The following GALNTL6 variants were observed in gnomAD, a reference collection of about 807,000 sequenced individuals.
GALNTL6 encodes the protein polypeptide N-acetylgalactosaminyltransferase like 6.
Under a neutral mutation model 73.7 loss-of-function variants are expected in GALNTL6, and 46 were observed. The ratio of observed to expected loss-of-function variants is 0.62; its 90% CI spans 0.49 to 0.80. GALNTL6 has a LOEUF of 0.80. GALNTL6 is among the 30% of genes least tolerant of loss of function. The pLI, the probability that GALNTL6 is intolerant of heterozygous loss-of-function variation, is 0.00. For missense variants in GALNTL6, 604 were observed against 755.0 expected (o/e 0.80, Z 2.34); for synonymous variants, 259 against 263.7 (o/e 0.98, Z 0.17).
At chr4:172,428,722 G>A (rs1731316832) in intron 5 of GALNTL6, among the ~76,000 whole-genome samples, 1 of 152,058 alleles carries the variant, frequency 6.6e-6, no homozygotes, top group East Asian at 1.9e-4. Context: ...AAACTGAAAC[G>A]GAGATATAGA....
chr4:172,575,303 T>C (rs1560816369), intron 5 of GALNTL6, among the ~76,000 whole-genome samples: 3 of 152,222 alleles, frequency 2.0e-5, no homozygotes, highest in Non-Finnish European at 4.4e-5. Flanking sequence ...TAATACCTAG[T>C]TTTTATTGTT....
intron 10 of GALNTL6, among the ~76,000 whole-genome samples, chr4:172,971,772 T>A (rs534009230): frequency 6.6e-6 from 1 of 152,186 alleles, no homozygotes; most frequent in East Asian, 1.9e-4. Flanking sequence ...CCATATTAAA[T>A]ACTAAAGATT....
chr4:171,886,293 A>G (rs915963494), intron 2 of GALNTL6, among the ~76,000 whole-genome samples: 10 of 152,208 alleles, frequency 6.6e-5, no homozygotes, highest in African/African-American at 2.2e-4. Flanking sequence ...CTGCCATTAT[A>G]TCAAAGTAAC....
intron 8 of GALNTL6, among the ~76,000 whole-genome samples, chr4:172,909,358 A>AT (rs1747079158): frequency 2.4e-3 from 1 of 420 alleles, no homozygotes; most frequent in Non-Finnish European, 0.028. Flanking sequence ...ATTCATTTAC[A>AT]TAAAATATTA....
At chr4:172,254,676 T>G (rs1329052111) in intron 3 of GALNTL6, among the ~76,000 whole-genome samples, 1 of 151,808 alleles carries the variant, frequency 6.6e-6, no homozygotes, top group Non-Finnish European at 1.5e-5. Context: ...ACAGCCAATT[T>G]GTTCTACAAG....
chr4:172,961,356 G>A (rs532054465), intron 10 of GALNTL6, among the ~76,000 whole-genome samples: 6 of 151,942 alleles, frequency 3.9e-5, no homozygotes, highest in African/African-American at 1.4e-4. Flanking sequence ...GGGGTCGGGG[G>A]GTTCTTGCCT....
chr4:172,311,545 TC>T, intron 3 of GALNTL6, 68 bp from the exon 4 acceptor site: 2 of 1,330,760 alleles, frequency 1.5e-6, no homozygotes, highest in Non-Finnish European at 2.0e-6. Flanking sequence ...ATTCCAGTCT[TC>T]CTATCTGTTC....
chr4:172,792,897 G>T (rs1740076197), intron 5 of GALNTL6, among the ~76,000 whole-genome samples: 1 of 151,730 alleles, frequency 6.6e-6, no homozygotes, highest in Non-Finnish European at 1.5e-5. Context: ...CAGGTTCCAG[G>T]ATCTTCCCTT....
At chr4:171,975,220 G>C (rs1440257298) in intron 2 of GALNTL6, among the ~76,000 whole-genome samples, 1 of 152,108 alleles carries the variant, frequency 6.6e-6, no homozygotes, top group Non-Finnish European at 1.5e-5. Flanking sequence ...AGAGTAATAA[G>C]TAATTTTCTA....
intron 7 of GALNTL6, among the ~76,000 whole-genome samples, chr4:172,830,311 G>T (rs2111051140): frequency 6.6e-6 from 1 of 151,958 alleles, no homozygotes; most frequent in African/African-American, 2.4e-5. Context: ...TCTTTAGAAA[G>T]ATTCTATTTT....
chr4:172,176,413 G>A (rs1290255081), intron 2 of GALNTL6, among the ~76,000 whole-genome samples: 2 of 150,944 alleles, frequency 1.3e-5, no homozygotes, highest in African/African-American at 4.9e-5. Flanking sequence ...TTTATAGCCA[G>A]TGTACTTAGT....
intron 5 of GALNTL6, among the ~76,000 whole-genome samples, chr4:172,432,785 A>T (rs902006647): frequency 2.0e-5 from 3 of 152,154 alleles, no homozygotes; most frequent in Non-Finnish European, 4.4e-5. Context: ...TTAAAAAAAA[A>T]TCTGAACATT....
intron 2 of GALNTL6, among the ~76,000 whole-genome samples, chr4:172,206,211 T>C (rs1419164615): frequency 1.3e-5 from 2 of 152,146 alleles, no homozygotes; most frequent in Admixed American, 6.5e-5. Flanking sequence ...GACAAATCCT[T>C]CTAAATACTC....
intron 5 of GALNTL6, among the ~76,000 whole-genome samples, chr4:172,617,537 C>T (rs539822054): frequency 7.0e-4 from 106 of 151,962 alleles, no homozygotes; most frequent in African/African-American, 2.1e-3. Context: ...AGAGTAGTGG[C>T]ACGATCTCAG....
intron 2 of GALNTL6, among the ~76,000 whole-genome samples, chr4:171,925,785 G>T (rs940302900): frequency 1.3e-5 from 2 of 152,122 alleles, no homozygotes; most frequent in African/African-American, 4.8e-5. Flanking sequence ...ATGATAATAA[G>T]TAACTAGGGG....
At chr4:172,392,825 G>A (rs1743712827) in intron 5 of GALNTL6, among the ~76,000 whole-genome samples, 1 of 152,100 alleles carries the variant, frequency 6.6e-6, no homozygotes, top group Admixed American at 6.6e-5. Flanking sequence ...TCCCATACAT[G>A]AAATGAGGAT....
rs540307270 is a variant in GALNTL6 at position 172,844,308 on chromosome 4, A to G, written c.923+30585A>G. Among the ~76,000 whole-genome samples the G allele has an allele frequency of 7.9e-5, 12 of 152,286 alleles. No homozygotes were observed. In the South Asian group the frequency reaches 1.5e-3, roughly 18 times the overall value. ...GAAATCTCAAAATCTCTTCACCTCT[A>G]CTATCTTTCTCGATTCTCACAACAA... On this transcript the variant is annotated intron_variant, in intron 7 of 12. Transcript: ENST00000506823.
At chr4:172,575,840 A>G (rs1736938468) in intron 5 of GALNTL6, among the ~76,000 whole-genome samples, 1 of 152,194 alleles carries the variant, frequency 6.6e-6, no homozygotes, top group Non-Finnish European at 1.5e-5. Flanking sequence ...TCAGTGACTC[A>G]GCACTTCAGA....
intron 2 of GALNTL6, among the ~76,000 whole-genome samples, chr4:171,829,319 C>A (rs1179979729): frequency 6.6e-6 from 1 of 152,156 alleles, no homozygotes; most frequent in African/African-American, 2.4e-5. Context: ...CAAGTTCACC[C>A]TCACAGCAGC....
Sources: allele counts gnomAD v4.1 joint callset (sites outside exome capture counted in the v4.1 genomes callset), GRCh38; gene constraint gnomAD v4.1.1; transcripts MANE v1.5; gene names NCBI Gene and HGNC (gene_info 2026-07-23, HGNC 2026-07-21).